The following TBC1D4 variants were observed in gnomAD, a reference collection of about 807,000 sequenced individuals.
TBC1D4 encodes TBC1 domain family member 4.
A neutral mutation model predicts 142.5 loss-of-function variants in TBC1D4; 121 were observed. The observed-to-expected ratio is 0.85, with a 90% CI of 0.73 to 0.99. The LOEUF (loss-of-function observed/expected upper bound fraction) is 0.99. TBC1D4 is among the 50% of genes least tolerant of loss of function. TBC1D4 has a pLI of 0.00. For synonymous variants in TBC1D4, 630 were observed against 628.2 expected (o/e 1.00, Z -0.04); for missense variants, 1,475 against 1,606.6 (o/e 0.92, Z 1.40).
intron 1 of TBC1D4, among the ~76,000 whole-genome samples, chr13:75,411,697 ATTTTTTT>A (rs111821777): frequency 1.4e-5 from 2 of 147,694 alleles, no homozygotes; most frequent in African/African-American, 5.0e-5. Flanking sequence ...CTAATTTTTT[ATTTTTTT>A]TTTTTTTCTT....
intron 1 of TBC1D4, among the ~76,000 whole-genome samples, chr13:75,466,972 A>G (rs1888196807): frequency 6.6e-6 from 1 of 152,216 alleles, no homozygotes; most frequent in Non-Finnish European, 1.5e-5. Context: ...TTCCACTGCC[A>G]ATATCTAGAA....
chr13:75,348,141 AAAAC>A (rs1182227325), intron 5 of TBC1D4, among the ~76,000 whole-genome samples: 4 of 152,192 alleles, frequency 2.6e-5, no homozygotes, highest in Non-Finnish European at 5.9e-5. Flanking sequence ...GCTGTGCCTC[AAAAC>A]AAACAAACAA....
intron 1 of TBC1D4, among the ~76,000 whole-genome samples, chr13:75,462,866 T>C (rs527981374): frequency 1.4e-4 from 22 of 152,206 alleles, no homozygotes; most frequent in Non-Finnish European, 2.5e-4. Flanking sequence ...TATGCTTCAG[T>C]GTGTCCTAGA....
At chr13:75,480,634 G>T (rs900410002) in intron 1 of TBC1D4, among the ~76,000 whole-genome samples, 1 of 152,128 alleles carries the variant, frequency 6.6e-6, no homozygotes, top group African/African-American at 2.4e-5. Context: ...CGCAAAAAAA[G>T]GGCTTCTTTC....
intron 8 of TBC1D4, among the ~76,000 whole-genome samples, chr13:75,330,965 C>T (rs1314864633): frequency 6.6e-6 from 1 of 152,142 alleles, no homozygotes; most frequent in African/African-American, 2.4e-5. Flanking sequence ...TCTTAACAGA[C>T]AAAGTAGTCA....
In TBC1D4 at chr13:75,426,374, A is replaced by G. The variant is rs192232134; in HGVS notation, c.498+54896T>C. The stretch of plus-strand genomic sequence containing the variant: ...ATCAAGTCCCCTTATCAAAATAACC[A>G]TAAGTGAAATTACTAAGTGGCTTCA... On this transcript the variant is annotated intron_variant, in intron 1 of 20. Transcript: ENST00000377636. Among the ~76,000 whole-genome samples, 26 of 152,354 alleles carry G rather than the reference A, an allele frequency of 1.7e-4. No homozygotes were observed. In the East Asian group the frequency reaches 4.6e-3, roughly 27 times the overall value.
At chr13:75,302,518 C>G in intron 15 of TBC1D4, 117 bp from the exon 16 acceptor site, 1 of 1,120,110 alleles carries the variant, frequency 8.9e-7, no homozygotes, top group Non-Finnish European at 1.3e-6. Flanking sequence ...GCATGCCACC[C>G]TAAGACCACA....
rs752046886 is a variant in TBC1D4 at position 75,362,027 on chromosome 13, T to A, written c.1079A>T (p.Gln360Leu). The A allele has an allele frequency of 3.1e-6, 5 of 1,614,140 alleles. No homozygotes were observed. The highest frequency in any genetic ancestry group is 4.2e-6 in the Non-Finnish European group (5 of 1,180,010). The part of the protein sequence containing the change: ...DSEKNRTMLF[Q>L]VGRFEINLIS... Reference sequence around the variant, plus strand: ...CAGACAGCGTCCGATCAGGTGTACCTGGAAGAGCATGGTCCTGTTCTTCTC... The same window carrying A: ...CAGACAGCGTCCGATCAGGTGTACCAGGAAGAGCATGGTCCTGTTCTTCTC... Residue 360 changes from glutamine to leucine, a missense_variant and splice_region_variant, in exon 2 of 21, where the codon CAG (glutamine) becomes CTG (leucine). By Grantham distance (113) the Gln-to-Leu change is moderately radical (BLOSUM62 -2). This residue lies in a region of TBC1D4 where 1,227 missense variants were observed against 1,267.7 expected (regional missense o/e 0.97). Transcript: ENST00000377636. The surrounding 1 kb of genome is among the most constrained non-coding windows in gnomAD (Gnocchi z 4.2).
At chr13:75,287,672 A>G (rs1566335513) in intron 20 of TBC1D4, among the ~76,000 whole-genome samples, 1 of 152,220 alleles carries the variant, frequency 6.6e-6, no homozygotes, top group Non-Finnish European at 1.5e-5. Context: ...ATAGAAAAAA[A>G]GATTTACATT....
At chr13:75,385,786 G>A (rs927853101) in intron 1 of TBC1D4, among the ~76,000 whole-genome samples, 2 of 152,072 alleles carry the variant, frequency 1.3e-5, no homozygotes, top group Non-Finnish European at 2.9e-5. Flanking sequence ...TCATTTTACT[G>A]ATAAGAAACT....
At chr13:75,437,071 A>G (rs564819649) in intron 1 of TBC1D4, among the ~76,000 whole-genome samples, 33 of 152,340 alleles carry the variant, frequency 2.2e-4, no homozygotes, top group African/African-American at 7.9e-4. Context: ...GCAATGAGAG[A>G]GTAGAAAAGA....
At chr13:75,443,986 A>G (rs1386295355) in intron 1 of TBC1D4, among the ~76,000 whole-genome samples, 1 of 152,230 alleles carries the variant, frequency 6.6e-6, no homozygotes, top group Non-Finnish European at 1.5e-5. Flanking sequence ...TGAAAAAAAA[A>G]AAAGCTGTAG....
chr13:75,359,617 G>A, intron 3 of TBC1D4, 152 bp downstream of exon 3: 4 of 628,828 alleles, frequency 6.4e-6, no homozygotes, highest in Non-Finnish European at 1.1e-5. Flanking sequence ...AAAAACCCAG[G>A]AGCCCTTAGT....
intron 1 of TBC1D4, among the ~76,000 whole-genome samples, chr13:75,426,950 G>A (rs1429103489): frequency 6.6e-6 from 1 of 151,904 alleles, no homozygotes; most frequent in Non-Finnish European, 1.5e-5. Context: ...TCGGGAGGCT[G>A]AGGTGGGATG....
chr13:75,291,968 A>C (rs998635976), intron 19 of TBC1D4, 134 bp downstream of exon 19: 6 of 799,040 alleles, frequency 7.5e-6, no homozygotes, highest in Non-Finnish European at 1.1e-5. Context: ...GAAATTTCAC[A>C]ATAGTCCCCT....
chr13:75,470,623 C>T (rs1489460374), intron 1 of TBC1D4, among the ~76,000 whole-genome samples: 1 of 152,144 alleles, frequency 6.6e-6, no homozygotes, highest in Non-Finnish European at 1.5e-5. Context: ...TAGGGTATAG[C>T]TCCTAAACAT....
intron 1 of TBC1D4, among the ~76,000 whole-genome samples, chr13:75,368,451 C>T (rs1301822650): frequency 6.6e-6 from 1 of 150,658 alleles, no homozygotes; most frequent in East Asian, 1.9e-4. Flanking sequence ...GGCTTTAGTT[C>T]TTAGATATTC....
chr13:75,459,260 C>T (rs994380755), intron 1 of TBC1D4, among the ~76,000 whole-genome samples: 1 of 152,168 alleles, frequency 6.6e-6, no homozygotes, highest in African/African-American at 2.4e-5. Flanking sequence ...ACTTCCCTGC[C>T]TTTCCCTTCC....
chr13:75,356,498 A>G (rs142128167), intron 3 of TBC1D4, among the ~76,000 whole-genome samples: 141 of 152,336 alleles, frequency 9.3e-4, no homozygotes, highest in African/African-American at 3.2e-3. Flanking sequence ...CCACAGGAGG[A>G]AAAACATTGA....
Sources: allele counts gnomAD v4.1 joint callset (sites outside exome capture counted in the v4.1 genomes callset), GRCh38; gene constraint gnomAD v4.1.1; regional missense constraint gnomAD v4.1.1; non-coding constraint Gnocchi (gnomAD v3.1); transcripts MANE v1.5; gene names NCBI Gene and HGNC (gene_info 2026-07-23, HGNC 2026-07-21).